Variants in SLCO1B3 observed in about 807,000 individuals in gnomAD.
SLCO1B3 encodes the protein liver-specific organic anion transporter 2.
SLCO1B3 carries 72 observed loss-of-function variants against 71.8 expected under a neutral mutation model. The ratio of observed to expected loss-of-function variants is 1.00; its 90% CI spans 0.83 to 1.22. The LOEUF (loss-of-function observed/expected upper bound fraction) is 1.22, where lower values mean the gene tolerates loss of function less well. SLCO1B3 is among the 50% of genes most tolerant of loss of function. SLCO1B3 has a pLI of 0.00. For synonymous variants in SLCO1B3, 298 were observed against 278.4 expected, an observed-to-expected ratio of 1.07 and a Z score of -0.70; for missense variants, 911 against 819.7, an observed-to-expected ratio of 1.11 and a Z score of -1.36.
At chr12:20,878,637 T>C (rs1865629991) in intron 10 of SLCO1B3, among the ~76,000 whole-genome samples, 1 of 152,176 alleles carries the variant, frequency 6.6e-6, no homozygotes, top group African/African-American at 2.4e-5. Flanking sequence ...ATGAATGTAC[T>C]GAAGCATTGG....
chr12:20,902,971 G>T (rs568330050), intron 15 of SLCO1B3, among the ~76,000 whole-genome samples: 1 of 151,898 alleles, frequency 6.6e-6, no homozygotes, highest in African/African-American at 2.4e-5. Context: ...TACTTCAGAG[G>T]CTGAGGTGGG....
At chr12:20,815,241 A>G (rs1591738380) in intron 2 of SLCO1B3, among the ~76,000 whole-genome samples, 1 of 152,000 alleles carries the variant, frequency 6.6e-6, no homozygotes, top group South Asian at 2.1e-4. Context: ...TTATTTTTCA[A>G]CCCATTTTGA....
chr12:20,818,385 T>G (rs1864230646), intron 3 of SLCO1B3, among the ~76,000 whole-genome samples: 1 of 152,164 alleles, frequency 6.6e-6, no homozygotes, highest in Non-Finnish European at 1.5e-5. Flanking sequence ...TGAGGAATTA[T>G]GTCTGACAGA....
intron 3 of SLCO1B3, among the ~76,000 whole-genome samples, chr12:20,840,312 T>C (rs1467725634): frequency 6.6e-6 from 1 of 152,086 alleles, no homozygotes; most frequent in Non-Finnish European, 1.5e-5. Flanking sequence ...AGAAGAGGCA[T>C]CCTACAGTTC....
chr12:20,827,544 C>T (rs1243572188), intron 3 of SLCO1B3, among the ~76,000 whole-genome samples: 3 of 149,228 alleles, frequency 2.0e-5, no homozygotes, highest in Admixed American at 1.4e-4. Flanking sequence ...TTTTAGACTT[C>T]CAATTTAGAT....
At chr12:20,915,857 GA>G in intron 15 of SLCO1B3, 146 bp from the exon 16 acceptor site, 1 of 568,936 alleles carries the variant, frequency 1.8e-6, no homozygotes, top group Non-Finnish European at 3.0e-6. Context: ...TGCCCCCAAT[GA>G]AAATAATAAA....
At chr12:20,888,448 T>C (rs10841693) in intron 13 of SLCO1B3, among the ~76,000 whole-genome samples, 106,815 of 151,696 alleles carry the variant, frequency 0.7, 39,831 homozygotes, top group South Asian at 0.89. Flanking sequence ...TTTTTTATAT[T>C]CATTGTAAAT....
intron 15 of SLCO1B3, among the ~76,000 whole-genome samples, chr12:20,909,321 A>G (rs10841703): frequency 0.55 from 79,446 of 145,208 alleles, 25,544 homozygotes; most frequent in South Asian, 0.79. Flanking sequence ...ACCCACCACC[A>G]CGCCTGGCTA....
intron 13 of SLCO1B3, among the ~76,000 whole-genome samples, chr12:20,891,980 A>C (rs1865913208): frequency 6.6e-6 from 1 of 152,000 alleles, no homozygotes; most frequent in African/African-American, 2.4e-5. Context: ...CAAGCTTTAC[A>C]TAATCCCATA....
At chr12:20,839,151 A>G (rs1228657886) in intron 3 of SLCO1B3, among the ~76,000 whole-genome samples, 1 of 152,030 alleles carries the variant, frequency 6.6e-6, no homozygotes, top group Non-Finnish European at 1.5e-5. Flanking sequence ...AAGCATACAT[A>G]ATCAAATACA....
intron 3 of SLCO1B3, among the ~76,000 whole-genome samples, chr12:20,853,229 T>C (rs1054447618): frequency 3.9e-5 from 6 of 152,136 alleles, no homozygotes; most frequent in Non-Finnish European, 8.8e-5. Flanking sequence ...TTTTCTTTTT[T>C]TCTGTCTTTA....
chr12:20,849,685 A>T (rs202015669), intron 3 of SLCO1B3, among the ~76,000 whole-genome samples: 1 of 150,278 alleles, frequency 6.7e-6, no homozygotes, highest in East Asian at 2.0e-4. Flanking sequence ...GAGCTAATAA[A>T]TAAAGAAAAA....
At chr12:20,912,970 C>A (rs566342751) in intron 15 of SLCO1B3, among the ~76,000 whole-genome samples, 1 of 152,156 alleles carries the variant, frequency 6.6e-6, no homozygotes, top group East Asian at 1.9e-4. Flanking sequence ...AGCCACCACG[C>A]CTGGCCTTAA....
intron 13 of SLCO1B3, among the ~76,000 whole-genome samples, chr12:20,890,263 C>A (rs1043592816): frequency 1.8e-4 from 27 of 152,046 alleles, no homozygotes; most frequent in Non-Finnish European, 2.5e-4. Flanking sequence ...CATTATTGAC[C>A]AAATAATTGT....
At chr12:20,840,556 A>AT (rs1162204029) in intron 3 of SLCO1B3, among the ~76,000 whole-genome samples, 3 of 151,656 alleles carry the variant, frequency 2.0e-5, no homozygotes, top group Admixed American at 6.6e-5. Context: ...CACCCAGCTA[A>AT]TTTTTTTGTA....
chr12:20,837,124 A>G (rs1368423126), intron 3 of SLCO1B3, among the ~76,000 whole-genome samples: 2 of 152,036 alleles, frequency 1.3e-5, no homozygotes, highest in Non-Finnish European at 2.9e-5. Flanking sequence ...TTTCATTATT[A>G]TCTTTTTAAT....
chr12:20,845,027 C>CA (rs36120748), intron 3 of SLCO1B3: 6,217 of 190,336 alleles, frequency 0.033, 132 homozygotes, highest in East Asian at 0.064. Context: ...AAGACTGTCT[C>CA]AAAAAAAAAA....
rs371872202 is a variant in SLCO1B3 at position 20,825,143 on chromosome 12, TG to T, written c.84+9322del. Among the ~76,000 whole-genome samples, 166 of 152,294 alleles carry T rather than the reference TG, an allele frequency of 1.1e-3. 4 individuals are homozygous for T. In the South Asian group the frequency reaches 0.033, roughly 30 times the overall value. On this transcript the variant is annotated intron_variant, in intron 3 of 15. Transcript: ENST00000381545. ...CATAAACCTTTAAATAACCTTTTAA[TG>T]TTTTTTTAAATTAAAAAGTGGGTTA...
chr12:20,879,839 A>C (rs1331921364), intron 11 of SLCO1B3, among the ~76,000 whole-genome samples: 2 of 152,104 alleles, frequency 1.3e-5, no homozygotes, highest in Non-Finnish European at 2.9e-5. Context: ...CATCGGTTGA[A>C]ATAATAATAC....
Sources: allele counts gnomAD v4.1 joint callset (sites outside exome capture counted in the v4.1 genomes callset), GRCh38; gene constraint gnomAD v4.1.1; transcripts MANE v1.5; gene names NCBI Gene and HGNC (gene_info 2026-07-23, HGNC 2026-07-21).